ROCK2: variants seen among roughly 807,000 people sequenced by gnomAD.
ROCK2 encodes rho-associated protein kinase 2.
ROCK2 carries 61 observed loss-of-function variants against 195.1 expected under a neutral mutation model. The observed-to-expected ratio is 0.31, with a 90% CI of 0.25 to 0.39. The LOEUF (loss-of-function observed/expected upper bound fraction) is 0.39. ROCK2 is among the 10% of genes least tolerant of loss of function. The probability of loss-of-function intolerance (pLI) is 1.00; values close to 1 mark genes in which losing one functional copy is unlikely to be tolerated. For synonymous variants in ROCK2, 504 were observed against 545.5 expected (o/e 0.92, Z 1.06); for missense variants, 1,109 against 1,637.4 (o/e 0.68, Z 5.57).
intron 1 of ROCK2, among the ~76,000 whole-genome samples, chr2:11,330,035 G>A (rs1037501046): frequency 1.3e-5 from 2 of 152,036 alleles, no homozygotes; most frequent in African/African-American, 4.8e-5. Flanking sequence ...GTACAACACT[G>A]AGGTATTATG....
At chr2:11,328,684 C>T (rs752254073) in intron 1 of ROCK2, among the ~76,000 whole-genome samples, 7 of 151,972 alleles carry the variant, frequency 4.6e-5, no homozygotes, top group Non-Finnish European at 7.4e-5. Flanking sequence ...CCAACAATGA[C>T]AGACTGGATT....
intron 11 of ROCK2, 176 bp from the exon 12 acceptor site, chr2:11,217,345 C>A (rs1230980250): frequency 2.8e-6 from 2 of 705,010 alleles, no homozygotes; most frequent in Non-Finnish European, 5.3e-6. Context: ...AAAACTCCCC[C>A]ATCTCTTGCT....
At chr2:11,278,803 G>A (rs141875797) in intron 3 of ROCK2, among the ~76,000 whole-genome samples, 6,485 of 152,130 alleles carry the variant, frequency 0.043, 279 homozygotes, top group Non-Finnish European at 0.06. Context: ...TAGTAGAGAC[G>A]GGGTTTTGCC....
intron 4 of ROCK2, among the ~76,000 whole-genome samples, chr2:11,243,999 T>C (rs1665524578): frequency 6.6e-6 from 1 of 152,210 alleles, no homozygotes; most frequent in South Asian, 2.1e-4. Flanking sequence ...AATACCTAGC[T>C]GTGTGAAAGG....
At chr2:11,309,612 T>G (rs1024306835) in intron 1 of ROCK2, among the ~76,000 whole-genome samples, 20 of 152,288 alleles carry the variant, frequency 1.3e-4, no homozygotes, top group African/African-American at 4.6e-4. Context: ...AAAAATTGTT[T>G]TAAAAATCAC....
At chr2:11,274,552 G>C (rs1372596335) in intron 3 of ROCK2, among the ~76,000 whole-genome samples, 3 of 152,072 alleles carry the variant, frequency 2.0e-5, no homozygotes, top group African/African-American at 7.2e-5. Flanking sequence ...AATCTACCAA[G>C]ACTAACTCAC....
intron 3 of ROCK2, among the ~76,000 whole-genome samples, chr2:11,266,866 T>C (rs1406056792): frequency 6.6e-6 from 1 of 152,228 alleles, no homozygotes; most frequent in Non-Finnish European, 1.5e-5. Context: ...AATGGAATGT[T>C]AAAATATTTT....
rs1664399022 is a variant in ROCK2 at position 11,215,605 on chromosome 2, A to G, written c.1502T>C (p.Leu501Ser). The change falls in exon 14 of 33, where the codon TTA becomes TCA. Residue 501 changes from leucine to serine, a missense_variant. By Grantham distance (145) the Leu-to-Ser change is moderately radical. Transcript: ENST00000315872. ...CTGAAGAAGCGCCTTTTCTCTTTCT[A>G]ACTGTCTTAATGCTGATTCCACACT... ...RKSVESALRQ[L>S]EREKALLQHK... 2 of 1,613,042 alleles carry G rather than the reference A, an allele frequency of 1.2e-6. No homozygotes were observed. Among genetic ancestry groups the G allele is most frequent in the African/African-American group, 1.3e-5 (1 of 74,848 alleles).
intron 32 of ROCK2, among the ~76,000 whole-genome samples, chr2:11,190,366 TAAAA>T (rs34098406): frequency 1.5e-4 from 8 of 53,058 alleles, no homozygotes; most frequent in East Asian, 1.7e-3. Flanking sequence ...AGAAGTTTTT[TAAAA>T]AAAAAAAAAA....
chr2:11,262,241 A>G (rs72787651), intron 3 of ROCK2, among the ~76,000 whole-genome samples: 6,479 of 152,290 alleles, frequency 0.043, 274 homozygotes, highest in Non-Finnish European at 0.06. Context: ...GGCTATACAT[A>G]TGAAAAAAAA....
intron 1 of ROCK2, among the ~76,000 whole-genome samples, chr2:11,304,992 G>A (rs1184148402): frequency 6.6e-6 from 1 of 152,124 alleles, no homozygotes; most frequent in African/African-American, 2.4e-5. Flanking sequence ...TACAAATATG[G>A]GGGAGGAGGG....
At chr2:11,208,784 G>A (rs745484854) in intron 18 of ROCK2, among the ~76,000 whole-genome samples, 1 of 151,692 alleles carries the variant, frequency 6.6e-6, no homozygotes. Context: ...GTAGAGATGG[G>A]GTTTTGCCAT....
Position 11,213,493 on chromosome 2 carries a change from C to T in ROCK2, c.2043+864G>A, listed in dbSNP as rs538867110. ...TTTTCTTTTTTAAGTTTCACTGGAA[C>T]GTAGCCACATCCATTCCTTCATGAA... On this transcript the variant is annotated intron_variant, in intron 17 of 32. Coordinates refer to ENST00000315872, the MANE Select transcript of ROCK2 (RefSeq NM_004850.5). Among the ~76,000 whole-genome samples, 28 of 151,534 alleles carry T rather than the reference C, an allele frequency of 1.8e-4. No individual in the cohort carries two copies. The South Asian group carries it at 5.5e-3, about 30-fold the overall frequency.
intron 8 of ROCK2, 142 bp downstream of exon 8, chr2:11,221,941 G>A (rs914749849): frequency 1.8e-6 from 1 of 550,298 alleles, no homozygotes; most frequent in Non-Finnish European, 3.3e-6. Context: ...TATTGCCACA[G>A]AACAAATTTG....
chr2:11,285,055 G>A (rs1437372014), intron 3 of ROCK2, among the ~76,000 whole-genome samples: 1 of 152,048 alleles, frequency 6.6e-6, no homozygotes, highest in Non-Finnish European at 1.5e-5. Flanking sequence ...CTGAGGTCGG[G>A]AGTTCAAGAC....
intron 1 of ROCK2, among the ~76,000 whole-genome samples, chr2:11,343,794 T>C (rs1217795068): frequency 6.6e-6 from 1 of 151,180 alleles, no homozygotes; most frequent in Non-Finnish European, 1.5e-5. Context: ...CAGCAGGAGG[T>C]AGAGGGAGGA....
chr2:11,249,420 G>C (rs1402430317), intron 4 of ROCK2, among the ~76,000 whole-genome samples: 1 of 152,182 alleles, frequency 6.6e-6, no homozygotes, highest in Non-Finnish European at 1.5e-5. Flanking sequence ...TCTTTATCAA[G>C]AAGAAAAAGC....
At chr2:11,231,887 GCT>G (rs1558312112) in intron 5 of ROCK2, among the ~76,000 whole-genome samples, 1 of 151,998 alleles carries the variant, frequency 6.6e-6, no homozygotes, top group Admixed American at 6.6e-5. Context: ...AGTCAGGATG[GCT>G]GAAAAATAAT....
chr2:11,197,234 T>C lies in ROCK2; in HGVS notation c.3394A>G (p.Ser1132Gly). Reference sequence around the variant, plus strand: ...CCTGGTCCACTGCCTATACTGGAACTATCCAGACCAATATGCAAGGCTTGG... The same window carrying C: ...CCTGGTCCACTGCCTATACTGGAACCATCCAGACCAATATGCAAGGCTTGG... The part of the protein sequence containing the change: ...QLQALHIGLD[S>G]SSIGSGPGDA... The change falls in exon 27 of 33, where the codon AGT (serine) becomes GGT (glycine). Residue 1132 changes from serine (S) to glycine (G), a missense_variant. This residue lies in a region of ROCK2 where 221 missense variants were observed against 355.1 expected (regional missense o/e 0.62). Transcript: ENST00000315872. The surrounding 1 kb of genome is among the most constrained non-coding windows in gnomAD (Gnocchi z 4.9). The C allele has an allele frequency of 6.2e-7, 1 of 1,613,678 alleles. No homozygotes were observed. The highest frequency in any genetic ancestry group is 8.5e-7 in the Non-Finnish European group (1 of 1,179,764).
Sources: gnomAD v4.1 joint callset for allele counts (sites outside exome capture counted in the v4.1 genomes callset) on GRCh38, gnomAD v4.1.1 for gene constraint, gnomAD v4.1.1 regional missense constraint, Gnocchi (gnomAD v3.1) non-coding constraint, MANE v1.5 for transcripts, NCBI Gene and HGNC (gene_info 2026-07-23, HGNC 2026-07-21) for gene names.